Variants in ADGRL2 observed in about 807,000 individuals in gnomAD.
ADGRL2 encodes calcium-independent alpha-latrotoxin receptor 2.
Under a neutral mutation model 157.4 loss-of-function variants are expected in ADGRL2, and 44 were observed. That is an observed-to-expected ratio of 0.28 (90% confidence interval 0.22 to 0.36). The LOEUF (loss-of-function observed/expected upper bound fraction) is 0.36. ADGRL2 is among the 10% of genes least tolerant of loss of function. The probability of loss-of-function intolerance (pLI) is 1.00; values close to 1 mark genes in which losing one functional copy is unlikely to be tolerated. For missense variants in ADGRL2, 1,510 were observed against 1,768.9 expected, an observed-to-expected ratio of 0.85 and a Z score of 2.63; for synonymous variants, 585 against 624.7, an observed-to-expected ratio of 0.94 and a Z score of 0.95.
At chr1:81,988,839 G>T (rs1007870201) in intron 23 of ADGRL2, among the ~76,000 whole-genome samples, 9 of 151,844 alleles carry the variant, frequency 5.9e-5, no homozygotes, top group Non-Finnish European at 8.8e-5. Context: ...CACTAAAACG[G>T]GAAATTTCGT....
chr1:81,981,944 A>G lies in ADGRL2; in HGVS notation c.3250A>G (p.Ile1084Val), dbSNP rs763362240. 22 of 1,611,946 alleles carry G rather than the reference A, an allele frequency of 1.4e-5. No homozygotes were observed. Among genetic ancestry groups the G allele is most frequent in the Non-Finnish European group, 1.8e-5 (21 of 1,178,818 alleles). The change falls in exon 19 of 24, where the codon ATT becomes GTT. Residue 1084 changes from isoleucine (I) to valine (V), a missense_variant. Coordinates refer to ENST00000686636, the MANE Select transcript of ADGRL2 (RefSeq NM_001366006.2). ...TIFNAFQGVFIFIFHCALQKK... is the reference protein window; with the variant it reads ...TIFNAFQGVFVFIFHCALQKK... Reference sequence around the variant, plus strand: ...ATTTAATGCTTTCCAGGGAGTGTTCATTTTCATCTTTCACTGTGCTCTCCA... The same window carrying G: ...ATTTAATGCTTTCCAGGGAGTGTTCGTTTTCATCTTTCACTGTGCTCTCCA...
At chr1:81,873,647 A>C (rs2093755510) in intron 2 of ADGRL2, among the ~76,000 whole-genome samples, 1 of 152,100 alleles carries the variant, frequency 6.6e-6, no homozygotes, top group Non-Finnish European at 1.5e-5. Context: ...TGATCATGTT[A>C]GATAGCAGGA....
chr1:81,902,034 G>T (rs1039709826), intron 2 of ADGRL2, among the ~76,000 whole-genome samples: 1 of 152,124 alleles, frequency 6.6e-6, no homozygotes, highest in African/African-American at 2.4e-5. Context: ...TCAGAAATCA[G>T]TACATGAGTG....
intron 2 of ADGRL2, among the ~76,000 whole-genome samples, chr1:81,491,143 C>A (rs1362056161): frequency 1.3e-5 from 2 of 151,532 alleles, no homozygotes; most frequent in Non-Finnish European, 2.9e-5. Flanking sequence ...AAATAAACTT[C>A]TGCTACATGA....
Position 81,950,292 on chromosome 1 carries a change from A to T in ADGRL2, c.1314A>T (p.Val438=), listed in dbSNP as rs374740255. The change falls in exon 7 of 24, where the codon GTA becomes GTT. Residue 438 remains valine (V), a synonymous_variant. Coordinates refer to ENST00000686636, the MANE Select transcript of ADGRL2 (RefSeq NM_001366006.2). ...AGAAAGGCCCCATGAGCACAACTGT[A>T]GCTGGATCACAGGAAGGAAGCAAAG... ...TSQKGPMSTT[V]AGSQEGSKGT... is the part of the protein sequence containing the mutation. 3 of 1,613,962 alleles carry T rather than the reference A, an allele frequency of 1.9e-6. No individual in the cohort carries two copies. The African/African-American group carries it at 4.0e-5, about 22-fold the overall frequency.
intron 1 of ADGRL2, among the ~76,000 whole-genome samples, chr1:81,747,958 G>C (rs1220855452): frequency 2.0e-5 from 3 of 152,032 alleles, no homozygotes; most frequent in Non-Finnish European, 4.4e-5. Context: ...ACAAGAACTA[G>C]GAAGACTTTA....
intron 1 of ADGRL2, among the ~76,000 whole-genome samples, chr1:81,344,673 A>AT (rs1200353687): frequency 7.6e-5 from 11 of 145,306 alleles, no homozygotes; most frequent in African/African-American, 2.0e-4. Flanking sequence ...TCTCAAAAAA[A>AT]AAAAAAAAAA....
rs190650260 is a variant in ADGRL2 at position 81,961,079 on chromosome 1, A to G, written c.2018-4979A>G. Among the ~76,000 whole-genome samples the G allele has an allele frequency of 1.0e-3, 152 of 152,218 alleles. 1 individual carries two copies. Among genetic ancestry groups the G allele is most frequent in the African/African-American group, 3.5e-3 (146 of 41,550 alleles). On this transcript the variant is annotated intron_variant, in intron 11 of 23. Coordinates refer to ENST00000686636, the MANE Select transcript of ADGRL2 (RefSeq NM_001366006.2). ...CATTACAGCCACTACTTGCTGAGGAATTTGCAAAATAGTAAGATAAATATA... is the reference window on the plus strand; with the variant it reads ...CATTACAGCCACTACTTGCTGAGGAGTTTGCAAAATAGTAAGATAAATATA...
intron 11 of ADGRL2, among the ~76,000 whole-genome samples, chr1:81,964,389 G>A (rs969718558): frequency 5.3e-5 from 8 of 151,858 alleles, no homozygotes; most frequent in African/African-American, 1.7e-4. Flanking sequence ...CCTCCCTGCC[G>A]CCCACACAGA....
intron 1 of ADGRL2, among the ~76,000 whole-genome samples, chr1:81,385,199 C>T (rs752609819): frequency 2.0e-5 from 3 of 152,040 alleles, no homozygotes; most frequent in Non-Finnish European, 4.4e-5. Flanking sequence ...AGTGATGATC[C>T]TATAAATTTA....
At chr1:81,509,013 C>A (rs1275907641) in intron 2 of ADGRL2, among the ~76,000 whole-genome samples, 4 of 152,174 alleles carry the variant, frequency 2.6e-5, no homozygotes, top group African/African-American at 9.7e-5. Context: ...AGTATCATAG[C>A]TCATCTTTCC....
intron 1 of ADGRL2, among the ~76,000 whole-genome samples, chr1:81,802,570 T>G (rs2088406598): frequency 6.6e-6 from 1 of 152,132 alleles, no homozygotes; most frequent in African/African-American, 2.4e-5. Flanking sequence ...AGCCATGCAT[T>G]TTTTAATTTC....
intron 3 of ADGRL2, among the ~76,000 whole-genome samples, chr1:81,679,610 C>T (rs1268846680): frequency 6.6e-6 from 1 of 152,178 alleles, no homozygotes; most frequent in Non-Finnish European, 1.5e-5. Flanking sequence ...ATCCAGGAGG[C>T]CCTGGAACCT....
At chr1:81,903,312 C>A (rs1158530514) in intron 2 of ADGRL2, among the ~76,000 whole-genome samples, 2 of 152,102 alleles carry the variant, frequency 1.3e-5, no homozygotes, top group Non-Finnish European at 2.9e-5. Context: ...TGAACCTTTA[C>A]AATAATTATT....
In ADGRL2 at chr1:81,411,879, TAA is replaced by T. The variant is rs35681432; in HGVS notation, c.-301-33140_-301-33139del. 3.9e-3 allele frequency among the ~76,000 whole-genome samples: 516 copies of T among 131,668 alleles called. 2 individuals carry two copies. Among genetic ancestry groups the T allele is most frequent in the African/African-American group, 0.012 (441 of 36,340 alleles). The allele number at this position is 131,668 out of a possible 152,430, so 86.4% of individuals were successfully genotyped here. A position where few individuals can be genotyped will look rare whatever the true frequency, so the allele number is the denominator to read the frequency against. On this transcript the variant is annotated intron_variant, in intron 1 of 24. Coordinates refer to the ADGRL2 transcript ENST00000370721. Reference sequence around the variant, plus strand: ...TGGGCAACAAAGCGAGACTCCGTCTTAAAAAAAAAAAAAAAAAAGTTTTAAGA... The same window carrying T: ...TGGGCAACAAAGCGAGACTCCGTCTTAAAAAAAAAAAAAAAAGTTTTAAGA...
chr1:81,838,369 T>C (rs1033720028), intron 2 of ADGRL2, among the ~76,000 whole-genome samples: 2 of 152,110 alleles, frequency 1.3e-5, no homozygotes, highest in Non-Finnish European at 2.9e-5. Flanking sequence ...AAGTCACACT[T>C]GGCAGTTACA....
At chr1:81,698,584 A>G (rs2083492709), upstream of ADGRL2, among the ~76,000 whole-genome samples, 1 of 152,198 alleles carries the variant, frequency 6.6e-6, no homozygotes, top group Admixed American at 6.5e-5. Flanking sequence ...ATTTGAGACC[A>G]AATCAATCTA....
In ADGRL2 at chr1:81,950,321, C is replaced by A. The variant is rs767172348; in HGVS notation, c.1343C>A (p.Thr448Lys). The A allele has an allele frequency of 6.2e-7, 1 of 1,614,024 alleles. No homozygotes were observed. Among genetic ancestry groups the A allele is most frequent in the South Asian group, 1.1e-5 (1 of 91,082 alleles). Residue 448 changes from threonine (T) to lysine (K), a missense_variant, in exon 7 of 24, where the codon ACA becomes AAA. By Grantham distance (78) the Thr-to-Lys change is moderately conservative. Transcript: ENST00000686636. ...VAGSQEGSKG[T>K]KPPPAVSTTK... ...GGATCACAGGAAGGAAGCAAAGGGACAAAACCACCTCCAGCAGTTTCTACA... is the reference window on the plus strand; with the variant it reads ...GGATCACAGGAAGGAAGCAAAGGGAAAAAACCACCTCCAGCAGTTTCTACA...
At chr1:81,721,016 T>A (rs1386653536) in intron 1 of ADGRL2, among the ~76,000 whole-genome samples, 3 of 150,144 alleles carry the variant, frequency 2.0e-5, no homozygotes, top group Non-Finnish European at 4.4e-5. Flanking sequence ...ATAAACTATA[T>A]AAAATTTAAA....
Sources: gnomAD v4.1 joint callset for allele counts (sites outside exome capture counted in the v4.1 genomes callset) on GRCh38, gnomAD v4.1.1 for gene constraint, MANE v1.5 for transcripts, NCBI Gene and HGNC (gene_info 2026-07-23, HGNC 2026-07-21) for gene names.